The following STRIP2 variants were observed in gnomAD, a reference collection of about 807,000 sequenced individuals.
STRIP2 encodes striatin interacting protein 2.
Under a neutral mutation model 107.1 loss-of-function variants are expected in STRIP2, and 84 were observed. The ratio of observed to expected loss-of-function variants is 0.78; its 90% CI spans 0.66 to 0.94. The LOEUF (loss-of-function observed/expected upper bound fraction) is 0.94. STRIP2 is among the 40% of genes least tolerant of loss of function. STRIP2 has a pLI of 0.00. For synonymous variants in STRIP2, 394 were observed against 400.4 expected (o/e 0.98, Z 0.19); for missense variants, 888 against 1,034.2 (o/e 0.86, Z 1.94).
intron 3 of STRIP2, among the ~76,000 whole-genome samples, chr7:129,447,919 C>T (rs181962361): frequency 1.4e-3 from 215 of 152,338 alleles, no homozygotes; most frequent in Non-Finnish European, 2.9e-3. Context: ...GGAATCACCA[C>T]TCCTTTGTCT....
rs572503971 is a variant in STRIP2 at position 129,452,593 on chromosome 7, C to T, written c.410-634C>T. On this transcript the variant is annotated intron_variant, in intron 4 of 20. Coordinates refer to ENST00000249344, the MANE Select transcript of STRIP2 (RefSeq NM_020704.3). ...TTTAAAAGAAAGTCTCACTGTGTTTCCCTGGCTGGTCTTGAACTCATAGGC... is the reference window on the plus strand; with the variant it reads ...TTTAAAAGAAAGTCTCACTGTGTTTTCCTGGCTGGTCTTGAACTCATAGGC... 2.0e-5 allele frequency among the ~76,000 whole-genome samples: 3 copies of T among 152,294 alleles called. No homozygotes were observed. In the South Asian group the frequency reaches 6.2e-4, roughly 32 times the overall value.
chr7:129,470,693 C>T lies in STRIP2; in HGVS notation c.1922C>T (p.Pro641Leu), dbSNP rs1455999079. 2.5e-6 allele frequency: 4 copies of T among 1,613,954 alleles called. No individual in the cohort carries two copies. Among genetic ancestry groups the T allele is most frequent in the Non-Finnish European group, 3.4e-6 (4 of 1,179,858 alleles). Residue 641 changes from proline to leucine, a missense_variant, in exon 18 of 21, where the codon CCG becomes CTG. Physicochemically the swap from Pro to Leu is moderately conservative, Grantham distance 98. Coordinates refer to ENST00000249344, the MANE Select transcript of STRIP2 (RefSeq NM_020704.3). ...CCTTGCTGTACCATCCAGGATTTGC[C>T]GGAGCTTACTACTGAAAGTCTGGTA... ...DYPCCTIQDL[P>L]ELTTESLEAG...
chr7:129,481,819 A>C (rs1363482105), intron 19 of STRIP2, among the ~76,000 whole-genome samples: 1 of 152,216 alleles, frequency 6.6e-6, no homozygotes, highest in Non-Finnish European at 1.5e-5. Context: ...TCAATAAAAA[A>C]AACCAGGTAT....
At chr7:129,434,737 C>A in intron 1 of STRIP2, 136 bp downstream of exon 1, 2 of 1,115,596 alleles carry the variant, frequency 1.8e-6, no homozygotes, top group Non-Finnish European at 2.4e-6. Flanking sequence ...CTGCGGGGTC[C>A]TAGCGGCTGA....
intron 18 of STRIP2, among the ~76,000 whole-genome samples, chr7:129,473,843 G>T (rs867780330): frequency 1.3e-5 from 2 of 151,738 alleles, no homozygotes; most frequent in African/African-American, 4.8e-5. Flanking sequence ...TCAGCCTTCC[G>T]AGTAGCTGGG....
chr7:129,440,792 A>C (rs1002389731), intron 2 of STRIP2, among the ~76,000 whole-genome samples: 1 of 152,208 alleles, frequency 6.6e-6, no homozygotes, highest in South Asian at 2.1e-4. Flanking sequence ...AATGCCAGTT[A>C]TTAATAAACA....
At chr7:129,478,773 G>A (rs1799038596) in intron 18 of STRIP2, among the ~76,000 whole-genome samples, 1 of 152,108 alleles carries the variant, frequency 6.6e-6, no homozygotes, top group Admixed American at 6.6e-5. Flanking sequence ...CATACAGTCA[G>A]GGATGAGGCC....
chr7:129,436,616 C>CAGT (rs1797746680), intron 1 of STRIP2, among the ~76,000 whole-genome samples: 1 of 152,226 alleles, frequency 6.6e-6, no homozygotes, highest in Non-Finnish European at 1.5e-5. Flanking sequence ...TTTTACCTGC[C>CAGT]AGTACATCCC....
rs775369368 is a variant in STRIP2 at position 129,454,206 on chromosome 7, C to T, written c.595C>T (p.Leu199Phe). 2 of 1,614,078 alleles carry T rather than the reference C, an allele frequency of 1.2e-6. No individual in the cohort carries two copies. Among genetic ancestry groups the T allele is most frequent in the Non-Finnish European group, 1.7e-6 (2 of 1,179,974 alleles). The change falls in exon 6 of 21, where the codon CTC becomes TTC. Residue 199 changes from leucine (L) to phenylalanine (F), a missense_variant. Transcript: ENST00000249344. ...PAVSIADSTELRVLLSVMYLM... is the reference protein window; with the variant it reads ...PAVSIADSTEFRVLLSVMYLM... The stretch of plus-strand genomic sequence containing the variant: ...TGTCTCCATAGCTGATAGCACAGAG[C>T]TCAGGTGAGTGGGGCTAACTATGGG...
rs1584978533 is a variant in STRIP2 at position 129,485,886 on chromosome 7, C to G, written c.*57C>G. The G allele has an allele frequency of 5.0e-6, 8 of 1,593,060 alleles. No homozygotes were observed. The South Asian group carries it at 6.7e-5, about 13-fold the overall frequency. On this transcript the variant is annotated 3_prime_UTR_variant, in exon 21 of 21. Coordinates refer to ENST00000249344, the MANE Select transcript of STRIP2 (RefSeq NM_020704.3). ...GAGGTCAGCTCCAATAAACTGTGCT[C>G]TGCCTACCCTGTCCATACAGGCGCT...
intron 14 of STRIP2, 83 bp downstream of exon 14, chr7:129,463,123 A>G (rs1300107105): frequency 8.9e-7 from 1 of 1,129,826 alleles, no homozygotes; most frequent in African/African-American, 1.6e-5. Flanking sequence ...GACCTGTCCA[A>G]CACTTGAGCT....
chr7:129,481,543 A>G (rs1209244575), intron 19 of STRIP2, among the ~76,000 whole-genome samples: 36 of 152,132 alleles, frequency 2.4e-4, no homozygotes, highest in Admixed American at 2.4e-3. Context: ...AAACAAGCTA[A>G]ATGCTCATTA....
Position 129,458,869 on chromosome 7 carries a change from T to G in STRIP2, c.1340+92T>G. 1 of 1,264,264 alleles carries G rather than the reference T, an allele frequency of 7.9e-7. No individual in the cohort carries two copies. Among genetic ancestry groups the G allele is most frequent in the Non-Finnish European group, 1.2e-6 (1 of 866,422 alleles). The allele number at this position is 1,264,264 out of a possible 1,614,324, so 78.3% of individuals were successfully genotyped here. On this transcript the variant is annotated intron_variant, in intron 11 of 20. Transcript: ENST00000249344. This position sits in a 1 kb window ranked among gnomAD's most constrained non-coding sequence, Gnocchi z 4.6. ...TGGAATGAGGGATGGTGCCTGGTGG[T>G]CATAATGTAACCTAGAGCCCCTAGG...
chr7:129,448,122 A>G (rs150068650), intron 3 of STRIP2, among the ~76,000 whole-genome samples: 218 of 152,276 alleles, frequency 1.4e-3, no homozygotes, highest in African/African-American at 5.2e-3. Context: ...GTCTATGCCA[A>G]TTATGCATTC....
intron 1 of STRIP2, among the ~76,000 whole-genome samples, chr7:129,438,757 A>G (rs1373860346): frequency 1.3e-5 from 2 of 152,236 alleles, no homozygotes; most frequent in African/African-American, 2.4e-5. Flanking sequence ...TTAAGCGGTT[A>G]TCATGATCTT....
chr7:129,455,016 A>C (rs1017801547), intron 7 of STRIP2, among the ~76,000 whole-genome samples: 4 of 152,256 alleles, frequency 2.6e-5, no homozygotes, highest in African/African-American at 7.2e-5. Flanking sequence ...CCAACCCCAA[A>C]GCGTCACCCT....
chr7:129,460,347 A>T lies in STRIP2; in HGVS notation c.1451A>T (p.Glu484Val). The T allele has an allele frequency of 6.2e-7, 1 of 1,614,044 alleles. No homozygotes were observed. Among genetic ancestry groups the T allele is most frequent in the African/African-American group, 1.3e-5 (1 of 75,048 alleles). ...IADVQIKNEE[E>V]LEKCPMSLGE... ...GATGTGCAGATCAAGAATGAAGAGGAGCTGGAGAAGTGCCCTATGTCTTTG... is the reference window on the plus strand; with the variant it reads ...GATGTGCAGATCAAGAATGAAGAGGTGCTGGAGAAGTGCCCTATGTCTTTG... Residue 484 changes from glutamate (E) to valine (V), a missense_variant, in exon 13 of 21, where the codon GAG becomes GTG. Glu to Val is a moderately radical substitution (Grantham distance 121, BLOSUM62 -2). Transcript: ENST00000249344.
intron 1 of STRIP2, among the ~76,000 whole-genome samples, chr7:129,439,248 C>G (rs1239955073): frequency 6.6e-6 from 1 of 152,186 alleles, no homozygotes; most frequent in African/African-American, 2.4e-5. Flanking sequence ...GTTTCAGGAG[C>G]TCTGTACCAG....
In STRIP2 at chr7:129,484,160, C is replaced by G. The variant is rs184946619; in HGVS notation, c.2254+1114C>G. Among the ~76,000 whole-genome samples the G allele has an allele frequency of 5.9e-3, 903 of 152,320 alleles. 7 individuals carry two copies. The highest frequency in any genetic ancestry group is 0.021 in the African/African-American group (859 of 41,566). ...TCTGTTTTCTTCTTTGTGGTGTTAT[C>G]TACTTTATTCGTCTATCTATGGTAT... On this transcript the variant is annotated intron_variant, in intron 20 of 20. Coordinates refer to ENST00000249344, the MANE Select transcript of STRIP2 (RefSeq NM_020704.3).
Sources: allele counts gnomAD v4.1 joint callset (sites outside exome capture counted in the v4.1 genomes callset), GRCh38; gene constraint gnomAD v4.1.1; non-coding constraint Gnocchi (gnomAD v3.1); transcripts MANE v1.5; gene names NCBI Gene and HGNC (gene_info 2026-07-23, HGNC 2026-07-21).